RYR3: variants seen among roughly 807,000 people sequenced by gnomAD.
RYR3 encodes ryanodine receptor 3.
Under a neutral mutation model 584.3 loss-of-function variants are expected in RYR3, and 207 were observed. The observed-to-expected ratio is 0.35, with a 90% CI of 0.32 to 0.40. The LOEUF (loss-of-function observed/expected upper bound fraction) is 0.40, where lower values mean the gene tolerates loss of function less well. RYR3 is among the 10% of genes least tolerant of loss of function. The probability of loss-of-function intolerance (pLI) is 1.00; values close to 1 mark genes in which losing one functional copy is unlikely to be tolerated. For missense variants in RYR3, 5,616 were observed against 6,089.2 expected (o/e 0.92, Z 2.59); for synonymous variants, 2,416 against 2,248.5 (o/e 1.07, Z -2.11).
chr15:33,720,813 G>A (rs1367868760), intron 43 of RYR3, among the ~76,000 whole-genome samples: 2 of 152,074 alleles, frequency 1.3e-5, no homozygotes, highest in Non-Finnish European at 2.9e-5. Flanking sequence ...GGGTGAGGCT[G>A]CACTGAGCTG....
chr15:33,543,856 G>A (rs1310501395), intron 8 of RYR3, 141 bp downstream of exon 8: 6 of 683,230 alleles, frequency 8.8e-6, no homozygotes, highest in Non-Finnish European at 1.6e-5. Context: ...ATGGGTTCCG[G>A]TTTGTAAAAC....
intron 1 of RYR3, among the ~76,000 whole-genome samples, chr15:33,418,330 T>A (rs964439696): frequency 1.5e-5 from 2 of 132,342 alleles, no homozygotes; most frequent in Non-Finnish European, 3.1e-5. Flanking sequence ...CGTTGGCAGG[T>A]TTTTTTTTTT....
chr15:33,322,490 C>A (rs769736930), intron 1 of RYR3, among the ~76,000 whole-genome samples: 3 of 152,112 alleles, frequency 2.0e-5, no homozygotes, highest in Non-Finnish European at 2.9e-5. Flanking sequence ...CAAGGGCCCA[C>A]CTCCAACACT....
At chr15:33,669,843 T>TGGGGGGGGG (rs35446204) in intron 37 of RYR3, among the ~76,000 whole-genome samples, 2 of 22,108 alleles carry the variant, frequency 9.0e-5, no homozygotes, top group African/African-American at 1.2e-4. Context: ...TGTGTGTGTG[T>TGGGGGGGGG]GGGGGGGGGG....
chr15:33,579,850 A>G (rs2058502073), intron 12 of RYR3, 126 bp from the exon 13 acceptor site: 1 of 540,114 alleles, frequency 1.9e-6, no homozygotes, highest in Admixed American at 3.9e-5. Context: ...CTGCTGGTAC[A>G]GTGGCCGCCC....
chr15:33,822,980 C>A lies in RYR3; in HGVS notation c.10996-16C>A, dbSNP rs751352325. The A allele has an allele frequency of 6.2e-7, 1 of 1,607,036 alleles. No individual in the cohort carries two copies. The highest frequency in any genetic ancestry group is 1.1e-5 in the South Asian group (1 of 90,168). ...GTTTTCATCGCTTTTCCCCTTACAA[C>A]GTGTCTCCCTTGCAGAAAATGCTAG... On this transcript the variant is annotated splice_polypyrimidine_tract_variant and intron_variant, in intron 80 of 103. Transcript: ENST00000634891.
At chr15:33,724,226 A>G in intron 45 of RYR3, 50 bp downstream of exon 45, 1 of 996,500 alleles carries the variant, frequency 1.0e-6, no homozygotes, top group Non-Finnish European at 1.5e-6. Context: ...TATGCCAAGA[A>G]CACTATAGAT....
At chr15:33,656,485 A>AT (rs58846347) in intron 32 of RYR3, among the ~76,000 whole-genome samples, 104 of 150,590 alleles carry the variant, frequency 6.9e-4, no homozygotes, top group African/African-American at 1.5e-3. Flanking sequence ...CCTTGTAGGC[A>AT]TTTTTTTTTT....
chr15:33,473,686 A>G (rs1350255400), intron 2 of RYR3, 148 bp downstream of exon 2: 2 of 814,942 alleles, frequency 2.5e-6, no homozygotes, highest in East Asian at 5.4e-5. Context: ...GGTTTAAACC[A>G]TAACTTTCCA....
chr15:33,363,954 G>T (rs1044351024), intron 1 of RYR3, among the ~76,000 whole-genome samples: 1 of 152,152 alleles, frequency 6.6e-6, no homozygotes, highest in Non-Finnish European at 1.5e-5. Context: ...TTGGATATAT[G>T]AATCTACTTT....
At chr15:33,437,191 A>G (rs917864799) in intron 1 of RYR3, among the ~76,000 whole-genome samples, 1 of 152,060 alleles carries the variant, frequency 6.6e-6, no homozygotes, top group Admixed American at 6.6e-5. Flanking sequence ...TAGAAAAAAA[A>G]TAGTGGCCTA....
At chr15:33,335,165 A>T (rs1389731044) in intron 1 of RYR3, among the ~76,000 whole-genome samples, 1 of 152,214 alleles carries the variant, frequency 6.6e-6, no homozygotes, top group African/African-American at 2.4e-5. Context: ...CAACTCAGCA[A>T]TCCCATTACT....
intron 36 of RYR3, among the ~76,000 whole-genome samples, chr15:33,664,589 G>GTATGTATATATATATATATA (rs1555399465): frequency 4.4e-5 from 4 of 91,352 alleles, no homozygotes; most frequent in African/African-American, 8.8e-5. Context: ...GTGTGTGTGT[G>GTATGTATATATATATATATA]TATATATATA....
At chr15:33,861,219 G>A (rs745623629) in intron 102 of RYR3, 41 bp downstream of exon 102, 37 of 1,449,390 alleles carry the variant, frequency 2.6e-5, no homozygotes, top group African/African-American at 1.3e-4. Context: ...CAGCTGTAGC[G>A]TAAATAAAGC....
chr15:33,729,445 T>A (rs760415338), intron 47 of RYR3, among the ~76,000 whole-genome samples: 1 of 152,148 alleles, frequency 6.6e-6, no homozygotes, highest in Non-Finnish European at 1.5e-5. Context: ...CGTGTCTCTA[T>A]TGCCTTTGAA....
At chr15:33,436,498 A>ATTTT (rs1290780110) in intron 1 of RYR3, among the ~76,000 whole-genome samples, 1 of 144,898 alleles carries the variant, frequency 6.9e-6, no homozygotes, top group Non-Finnish European at 1.5e-5. Context: ...ATGAAACCAT[A>ATTTT]TTCTTTTTTT....
intron 65 of RYR3, among the ~76,000 whole-genome samples, chr15:33,781,459 C>G (rs2074374228): frequency 6.6e-6 from 1 of 152,148 alleles, no homozygotes. Context: ...AGTTCAAGCC[C>G]CCTTTCTCAA....
chr15:33,631,605 G>T (rs994196037), intron 23 of RYR3, among the ~76,000 whole-genome samples: 62 of 152,270 alleles, frequency 4.1e-4, no homozygotes, highest in Non-Finnish European at 7.2e-4. Context: ...CTGAAAAGTG[G>T]TTCCCAGCCA....
chr15:33,794,120 A>AT (rs1567184314), intron 67 of RYR3, among the ~76,000 whole-genome samples: 7 of 125,480 alleles, frequency 5.6e-5, no homozygotes, highest in African/African-American at 9.2e-5. Context: ...AATATACATA[A>AT]ATATATATTT....
Sources: gnomAD v4.1 joint callset for allele counts (sites outside exome capture counted in the v4.1 genomes callset) on GRCh38, gnomAD v4.1.1 for gene constraint, MANE v1.5 for transcripts, NCBI Gene and HGNC (gene_info 2026-07-23, HGNC 2026-07-21) for gene names.